The following POLR1D variants were observed in gnomAD, a reference collection of about 807,000 sequenced individuals.
POLR1D encodes the protein DNA-directed RNA polymerases I and III subunit RPAC2.
A neutral mutation model predicts 10.8 loss-of-function variants in POLR1D; 8 were observed. That is an observed-to-expected ratio of 0.74 (90% CI 0.43 to 1.33). The LOEUF (loss-of-function observed/expected upper bound fraction) is 1.33, where lower values mean the gene tolerates loss of function less well. Ranked by LOEUF, POLR1D falls within the 40% of genes most tolerant of loss-of-function variation. The pLI, the probability that POLR1D is intolerant of heterozygous loss-of-function variation, is 0.01. For missense variants in POLR1D, 152 were observed against 161.7 expected (o/e 0.94, Z 0.32); for synonymous variants, 54 against 57.2 (o/e 0.94, Z 0.25).
chr13:27,649,389 T>A (rs2138556845), intron 2 of POLR1D, among the ~76,000 whole-genome samples: 1 of 152,260 alleles, frequency 6.6e-6, no homozygotes, highest in East Asian at 1.9e-4. Flanking sequence ...ATGGCTTAGC[T>A]ACATGGAAAG....
downstream of POLR1D, chr13:27,623,508 C>T: frequency 1.9e-6 from 1 of 520,974 alleles, no homozygotes; most frequent in Non-Finnish European, 3.0e-6. Flanking sequence ...GACTTTTTTT[C>T]TAATTAAGCC....
intron 1 of POLR1D, chr13:27,648,315 A>G (rs1180861134): frequency 1.0e-5 from 11 of 1,075,374 alleles, no homozygotes; most frequent in Non-Finnish European, 1.3e-5. Flanking sequence ...TGGACCTGGA[A>G]TGAATTGATT....
In POLR1D at chr13:27,630,920, G is replaced by A. The variant is rs114847813; in HGVS notation, c.26+8911G>A. Among the ~76,000 whole-genome samples, 457 of 152,100 alleles carry A rather than the reference G, an allele frequency of 3.0e-3. 3 individuals are homozygous for A. The highest frequency in any genetic ancestry group is 9.8e-3 in the African/African-American group (408 of 41,496). On this transcript the variant is annotated intron_variant, in intron 1 of 2. Transcript: ENST00000399697. Reference sequence around the variant, plus strand: ...AAAGCATCACCTGTGACTCTGCCACGCTGGCCTTCTCACTTTTATGCATAT... The same window carrying A: ...AAAGCATCACCTGTGACTCTGCCACACTGGCCTTCTCACTTTTATGCATAT...
rs1055456465 is a variant in POLR1D at position 27,623,418 on chromosome 13, ATTC to A, written c.*173_*175del. On this transcript the variant is annotated 3_prime_UTR_variant, in exon 2 of 2. Transcript: ENST00000302979. Reference sequence around the variant, plus strand: ...TTGGAATCTCTGCAAGAACCTCTGTATTCTTCTAATAAATTCCCTCTTTTATTT... The same window carrying A: ...TTGGAATCTCTGCAAGAACCTCTGTATTCTAATAAATTCCCTCTTTTATTT... The A allele has an allele frequency of 2.1e-6, 3 of 1,403,194 alleles. No individual in the cohort carries two copies. Among genetic ancestry groups the A allele is most frequent in the South Asian group, 1.5e-5 (1 of 68,386 alleles). 86.9% of individuals were successfully genotyped at this position (1,403,194 alleles called of 1,614,324 possible). A position where few individuals can be genotyped will look rare whatever the true frequency, so the allele number is the denominator to read the frequency against.
downstream of POLR1D, among the ~76,000 whole-genome samples, chr13:27,626,761 G>A (rs1197964712): frequency 6.6e-6 from 1 of 152,202 alleles, no homozygotes; most frequent in Admixed American, 6.5e-5. Flanking sequence ...CTTTTAACAT[G>A]TAGTAATTCT....
chr13:27,641,695 G>A (rs1956174648), intron 1 of POLR1D, among the ~76,000 whole-genome samples: 1 of 152,156 alleles, frequency 6.6e-6, no homozygotes, highest in Non-Finnish European at 1.5e-5. Flanking sequence ...CCCTCAGTGG[G>A]CCTATAAGAA....
chr13:27,664,185 C>T (rs1034151981), intron 2 of POLR1D, among the ~76,000 whole-genome samples: 4 of 152,200 alleles, frequency 2.6e-5, no homozygotes, highest in African/African-American at 9.7e-5. Context: ...CTAATGCCAG[C>T]GTGCCCCCAG....
At chr13:27,624,963 A>G (rs1221738623), downstream of POLR1D, among the ~76,000 whole-genome samples, 3 of 151,920 alleles carry the variant, frequency 2.0e-5, no homozygotes, top group Non-Finnish European at 4.4e-5. Flanking sequence ...AAACATAAGA[A>G]AGGAATCTAC....
At chr13:27,665,498 C>T in intron 2 of POLR1D, 1 of 619,696 alleles carries the variant, frequency 1.6e-6, no homozygotes, top group Non-Finnish European at 2.9e-6. Flanking sequence ...CTCAAGAATT[C>T]CAATCGTCTT....
chr13:27,627,639 T>A (rs747149577), downstream of POLR1D, among the ~76,000 whole-genome samples: 2 of 151,960 alleles, frequency 1.3e-5, no homozygotes, highest in Non-Finnish European at 2.9e-5. Flanking sequence ...TGGCGGCTTA[T>A]GATTAATAAC....
At chr13:27,655,208 A>G (rs1956297954) in intron 2 of POLR1D, among the ~76,000 whole-genome samples, 3 of 152,196 alleles carry the variant, frequency 2.0e-5, no homozygotes, top group Admixed American at 2.0e-4. Flanking sequence ...AAAAAAGGAC[A>G]TTGTTTGATT....
intron 1 of POLR1D, among the ~76,000 whole-genome samples, chr13:27,647,125 T>C (rs1566149155): frequency 6.6e-6 from 1 of 152,170 alleles, no homozygotes; most frequent in Non-Finnish European, 1.5e-5. Flanking sequence ...CTTAACTTTG[T>C]TATTGATACA....
intron 1 of POLR1D, among the ~76,000 whole-genome samples, chr13:27,635,696 C>CTATATATATATA (rs3081355): frequency 3.8e-4 from 54 of 140,558 alleles, no homozygotes; most frequent in South Asian, 1.3e-3. Flanking sequence ...TACAAAGTAA[C>CTATATATATATA]TATATATATA....
chr13:27,646,425 A>G (rs1485681986), intron 1 of POLR1D, among the ~76,000 whole-genome samples: 1 of 152,196 alleles, frequency 6.6e-6, no homozygotes, highest in African/African-American at 2.4e-5. Context: ...TCATTATTCT[A>G]AAGAGCTGGA....
intron 1 of POLR1D, among the ~76,000 whole-genome samples, chr13:27,631,009 C>T (rs897932935): frequency 6.6e-6 from 1 of 152,246 alleles, no homozygotes; most frequent in Non-Finnish European, 1.5e-5. Context: ...CTCTCTTCCC[C>T]TAAATCTTCA....
intron 1 of POLR1D, among the ~76,000 whole-genome samples, chr13:27,641,318 G>A (rs1157456210): frequency 6.6e-6 from 1 of 152,170 alleles, no homozygotes; most frequent in African/African-American, 2.4e-5. Flanking sequence ...TAAGCCCCAA[G>A]TCAAAGTATT....
intron 2 of POLR1D, among the ~76,000 whole-genome samples, chr13:27,659,906 G>GTATATATATA (rs142807905): frequency 3.5e-3 from 508 of 145,158 alleles, no homozygotes; most frequent in African/African-American, 0.011. Flanking sequence ...TATCTCAGGT[G>GTATATATATA]TATATATATA....
chr13:27,623,943 A>C (rs1414326667), downstream of POLR1D, among the ~76,000 whole-genome samples: 7 of 152,196 alleles, frequency 4.6e-5, no homozygotes, highest in Non-Finnish European at 8.8e-5. Context: ...ATATTACAGA[A>C]GGAGAAAATT....
downstream of POLR1D, among the ~76,000 whole-genome samples, chr13:27,625,709 C>T (rs567709892): frequency 1.3e-5 from 2 of 150,710 alleles, no homozygotes; most frequent in Admixed American, 1.3e-4. Flanking sequence ...GAACAAAGCC[C>T]TAGGCAACTT....
Sources: allele counts gnomAD v4.1 joint callset (sites outside exome capture counted in the v4.1 genomes callset), GRCh38; gene constraint gnomAD v4.1.1; transcripts MANE v1.5; gene names NCBI Gene and HGNC (gene_info 2026-07-23, HGNC 2026-07-21).